PRKCH: variants seen among roughly 807,000 people sequenced by gnomAD.
PRKCH encodes the protein protein kinase C eta.
A neutral mutation model predicts 82.5 loss-of-function variants in PRKCH; 28 were observed. The ratio of observed to expected loss-of-function variants is 0.34; its 90% CI spans 0.25 to 0.47. The LOEUF (loss-of-function observed/expected upper bound fraction) is 0.47. Ranked by LOEUF, PRKCH falls within the 20% of genes least tolerant of loss-of-function variation. The probability of loss-of-function intolerance (pLI) is 1.00; values close to 1 mark genes in which losing one functional copy is unlikely to be tolerated. For synonymous variants in PRKCH, 322 were observed against 327.4 expected, an observed-to-expected ratio of 0.98 and a Z score of 0.18; for missense variants, 705 against 881.8, an observed-to-expected ratio of 0.80 and a Z score of 2.54.
At chr14:61,485,678 G>A in intron 10 of PRKCH, 22 bp downstream of exon 10, 1 of 1,604,322 alleles carries the variant, frequency 6.2e-7, no homozygotes, top group Non-Finnish European at 8.5e-7. Flanking sequence ...TTGCTGCCCT[G>A]TCTTCTAATT....
intron 1 of PRKCH, among the ~76,000 whole-genome samples, chr14:61,209,169 C>A: frequency 6.6e-6 from 1 of 152,232 alleles, no homozygotes. Flanking sequence ...AGCCCAAAGG[C>A]CCTTGCCAGA....
At chr14:61,229,775 A>G (rs1353029066) in intron 1 of PRKCH, among the ~76,000 whole-genome samples, 1 of 152,142 alleles carries the variant, frequency 6.6e-6, no homozygotes, top group Non-Finnish European at 1.5e-5. Flanking sequence ...CCATCGATAG[A>G]AATGGGCTCT....
At chr14:61,460,039 G>T (rs1884958603) in intron 9 of PRKCH, among the ~76,000 whole-genome samples, 1 of 152,008 alleles carries the variant, frequency 6.6e-6, no homozygotes, top group Non-Finnish European at 1.5e-5. Flanking sequence ...TAGAGATGGG[G>T]TTTTGCCATG....
intron 9 of PRKCH, chr14:61,477,288 A>G (rs1429818575): frequency 1.3e-5 from 2 of 152,232 alleles, no homozygotes; most frequent in Non-Finnish European, 1.5e-5. Flanking sequence ...CATTGCCTTA[A>G]AGCAATAGCT....
intron 12 of PRKCH, 124 bp from the exon 13 acceptor site, chr14:61,547,619 C>A: frequency 8.1e-7 from 1 of 1,235,120 alleles, no homozygotes; most frequent in Non-Finnish European, 1.1e-6. Flanking sequence ...GAAAACCCAG[C>A]TAGTTAAGCA....
At chr14:61,251,872 C>T (rs1457264994) in intron 1 of PRKCH, among the ~76,000 whole-genome samples, 1 of 151,778 alleles carries the variant, frequency 6.6e-6, no homozygotes, top group Non-Finnish European at 1.5e-5. Flanking sequence ...TGGAGTTTCG[C>T]TCTGTCGCCC....
At chr14:61,321,356 G>C (rs1243213522), upstream of PRKCH, among the ~76,000 whole-genome samples, 1 of 152,222 alleles carries the variant, frequency 6.6e-6, no homozygotes, top group Non-Finnish European at 1.5e-5. This position sits in a 1 kb window ranked among gnomAD's most constrained non-coding sequence, Gnocchi z 4.1. Flanking sequence ...TGTTTGCTCG[G>C]GCTGGGCCAC....
At chr14:61,222,026 C>T (rs1446535281) in intron 1 of PRKCH, among the ~76,000 whole-genome samples, 3 of 152,002 alleles carry the variant, frequency 2.0e-5, no homozygotes, top group Admixed American at 6.5e-5. Flanking sequence ...AGGCAGCCTG[C>T]AGTGCCCCCT....
chr14:61,333,118 G>A (rs2045811441), intron 1 of PRKCH, among the ~76,000 whole-genome samples: 1 of 152,212 alleles, frequency 6.6e-6, no homozygotes, highest in African/African-American at 2.4e-5. Flanking sequence ...TTATTTGCAA[G>A]CTGTGGGCCT....
rs1445003847 is a variant in PRKCH, at chr14:61,188,588, TCGGGG to T, written c.-19+921_-19+925del. ...GACGTTGCTGTAGTGTGTGTGTGTG[TCGGGG>T]GGGTGGGGGGGTGGTGTGGTGTGTG... is the stretch of plus-strand genomic sequence containing the variant. On this transcript the variant is annotated intron_variant, in intron 1 of 3. Coordinates refer to the PRKCH transcript ENST00000555185. Among the ~76,000 whole-genome samples the T allele has an allele frequency of 8.1e-3, 561 of 69,406 alleles. 63 individuals are homozygous for T. Among genetic ancestry groups the T allele is most frequent in the African/African-American group, 0.026 (497 of 19,278 alleles). The allele number at this position is 69,406 out of a possible 152,430, so 45.5% of individuals were successfully genotyped here.
At chr14:61,364,141 G>A (rs1236078904) in intron 1 of PRKCH, among the ~76,000 whole-genome samples, 5 of 151,264 alleles carry the variant, frequency 3.3e-5, no homozygotes, top group African/African-American at 1.2e-4. Context: ...CCAAAGTGCT[G>A]GGATTATAGG....
chr14:61,411,912 C>G (rs190695852), intron 2 of PRKCH, among the ~76,000 whole-genome samples: 10 of 152,308 alleles, frequency 6.6e-5, no homozygotes, highest in Admixed American at 6.5e-4. Flanking sequence ...TGCCACCAAC[C>G]AGACTGGAAA....
chr14:61,395,296 C>CAA (rs2046759712), intron 2 of PRKCH, among the ~76,000 whole-genome samples: 1 of 146,868 alleles, frequency 6.8e-6, no homozygotes, highest in African/African-American at 2.5e-5. Context: ...TGGAGCCCCC[C>CAA]CCCGCATTTG....
At chr14:61,355,465 T>C (rs1228525256) in intron 1 of PRKCH, among the ~76,000 whole-genome samples, 1 of 152,168 alleles carries the variant, frequency 6.6e-6, no homozygotes, top group African/African-American at 2.4e-5. Context: ...TAGTGTGATC[T>C]TTTGGTAGGA....
At chr14:61,305,230 G>T (rs2045478272) in intron 1 of PRKCH, 1 of 151,926 alleles carries the variant, frequency 6.6e-6, no homozygotes, top group South Asian at 2.1e-4. Context: ...TCCAGCACGG[G>T]CTGGAGCACA....
intron 1 of PRKCH, among the ~76,000 whole-genome samples, chr14:61,247,418 G>A (rs2044895358): frequency 6.6e-6 from 1 of 152,066 alleles, no homozygotes; most frequent in Admixed American, 6.6e-5. Context: ...TTGATTAAAT[G>A]ATGTTTGGTA....
At position 61,418,391 on chromosome 14, in the gene PRKCH, C is replaced by T. The variant is rs563122702; in HGVS notation, c.428-24720C>T. On this transcript the variant is annotated intron_variant, in intron 2 of 13. Transcript: ENST00000332981. Reference sequence around the variant, plus strand: ...GTGATCATCAAAATAAATTTTAGCACGATGTGTAATGATTAATGCACAGAG... The same window carrying T: ...GTGATCATCAAAATAAATTTTAGCATGATGTGTAATGATTAATGCACAGAG... 1.1e-4 allele frequency among the ~76,000 whole-genome samples: 16 copies of T among 152,226 alleles called. No homozygotes were observed. In the East Asian group the frequency reaches 1.4e-3, roughly 13 times the overall value.
chr14:61,208,792 A>G (rs904372523), intron 1 of PRKCH, among the ~76,000 whole-genome samples: 8 of 152,206 alleles, frequency 5.3e-5, no homozygotes, highest in African/African-American at 1.4e-4. Context: ...ACAAAGTTCA[A>G]TTACCATTGC....
In PRKCH at chr14:61,199,137, C is replaced by CA. The variant is rs201854156; in HGVS notation, c.-19+11477dup. On this transcript the variant is annotated intron_variant, in intron 1 of 3. Coordinates refer to the PRKCH transcript ENST00000555185. Reference sequence around the variant, plus strand: ...TGTACTACTAATAACTGAAACTTTCCAAAAAAAAGAGACTATGATTTAAAA... The same window carrying CA: ...TGTACTACTAATAACTGAAACTTTCCAAAAAAAAAGAGACTATGATTTAAAA... Among the ~76,000 whole-genome samples, 182 of 151,420 alleles carry CA rather than the reference C, an allele frequency of 1.2e-3. 1 individual carries two copies. Among genetic ancestry groups the CA allele is most frequent in the African/African-American group, 4.0e-3 (165 of 41,338 alleles).
Sources: allele counts gnomAD v4.1 joint callset (sites outside exome capture counted in the v4.1 genomes callset), GRCh38; gene constraint gnomAD v4.1.1; non-coding constraint Gnocchi (gnomAD v3.1); transcripts MANE v1.5; gene names NCBI Gene and HGNC (gene_info 2026-07-23, HGNC 2026-07-21).